Variants in LGALS9 observed in about 807,000 individuals in gnomAD.
LGALS9 encodes galectin-9.
A neutral mutation model predicts 35.9 loss-of-function variants in LGALS9; 26 were observed. The ratio of observed to expected loss-of-function variants is 0.72; its 90% CI spans 0.53 to 1.01. The LOEUF (loss-of-function observed/expected upper bound fraction) is 1.01. Among genes scored for constraint, LGALS9 ranks in the 50% least tolerant of loss-of-function variants. The pLI, the probability that LGALS9 is intolerant of heterozygous loss-of-function variation, is 0.00. For missense variants in LGALS9, 347 were observed against 445.8 expected (o/e 0.78, Z 1.99); for synonymous variants, 149 against 172.2 (o/e 0.87, Z 1.06).
chr17:27,640,732 C>A lies in LGALS9; in HGVS notation c.292C>A (p.Pro98Thr). The change falls in exon 3 of 11, where the codon CCC becomes ACC. Residue 98 changes from proline to threonine, a missense_variant. Pro to Thr is a conservative substitution (Grantham distance 38, BLOSUM62 -1). Transcript: ENST00000395473. ...KTHMPFQKGM[P>T]FDLCFLVQSS... ...ACACATGCCTTTCCAGAAGGGGATG[C>A]CCTTTGACCTCTGCTTCCTGGTGCA... 2.5e-6 allele frequency: 4 copies of A among 1,614,210 alleles called. No individual in the cohort carries two copies. The highest frequency in any genetic ancestry group is 2.7e-5 in the African/African-American group (2 of 75,056).
rs758551227 is a variant in LGALS9 at position 27,645,296 on chromosome 17, C to T, written c.541-18C>T. 11 of 1,613,904 alleles carry T rather than the reference C, an allele frequency of 6.8e-6. No homozygotes were observed. Among genetic ancestry groups the T allele is most frequent in the Non-Finnish European group, 9.3e-6 (11 of 1,179,836 alleles). On this transcript the variant is annotated intron_variant, in intron 5 of 10. Transcript: ENST00000395473. ...GTGCCCGCGATAACCACCATTCTGA[C>T]TCTCCTCACCCCTCCAGCCTCCCGG... is the stretch of plus-strand genomic sequence containing the variant.
At chr17:27,646,657 TG>T (rs754775465) in intron 8 of LGALS9, 69 bp downstream of exon 8, 9 of 1,608,036 alleles carry the variant, frequency 5.6e-6, no homozygotes, top group Non-Finnish European at 6.0e-6. Flanking sequence ...AGGGCCGCTG[TG>T]GGGGGATCCA....
chr17:27,642,184 G>T, intron 3 of LGALS9, 54 bp from the exon 4 acceptor site: 7 of 1,576,314 alleles, frequency 4.4e-6, no homozygotes, highest in Non-Finnish European at 5.2e-6. Context: ...CTCAGGGGTG[G>T]TCCCCATCCC....
At chr17:27,647,838 T>C (rs1458243938) in intron 10 of LGALS9, among the ~76,000 whole-genome samples, 2 of 152,176 alleles carry the variant, frequency 1.3e-5, no homozygotes, top group Admixed American at 1.3e-4. Context: ...AGGGAGTTTA[T>C]AATTTAGGTG....
intron 1 of LGALS9, among the ~76,000 whole-genome samples, chr17:27,637,325 GTGAAACACCTTCCTATTTTACAGA>G (rs1278316420): frequency 6.6e-6 from 1 of 152,210 alleles, no homozygotes; most frequent in African/African-American, 2.4e-5. Context: ...TATGCAGCAG[GTGAAACACCTTCCTATTTTACAGA>G]TGAGGAAACT....
chr17:27,631,839 G>A (rs569074038), intron 1 of LGALS9, among the ~76,000 whole-genome samples: 4 of 152,162 alleles, frequency 2.6e-5, no homozygotes, highest in Non-Finnish European at 4.4e-5. Flanking sequence ...CTGACACACT[G>A]TAGGTGCTTT....
intron 2 of LGALS9, 129 bp from the exon 3 acceptor site, chr17:27,640,443 A>G: frequency 7.4e-7 from 1 of 1,348,844 alleles, no homozygotes; most frequent in South Asian, 1.2e-5. Flanking sequence ...ATGCCAACAA[A>G]GCAGTCTCTG....
Position 27,649,247 on chromosome 17 carries a change from G to C in LGALS9, c.*265G>C, listed in dbSNP as rs1905146382. ...CCATCCCAGGAGGCAGGCACAGCCAGGGAGAGGGGAGGAGTGGGCAGTGAA... is the reference window on the plus strand; with the variant it reads ...CCATCCCAGGAGGCAGGCACAGCCACGGAGAGGGGAGGAGTGGGCAGTGAA... On this transcript the variant is annotated 3_prime_UTR_variant, in exon 11 of 11. Transcript: ENST00000395473. 11 of 569,518 alleles carry C rather than the reference G, an allele frequency of 1.9e-5. 1 individual carries two copies. In the Admixed American group the frequency reaches 3.1e-4, roughly 16 times the overall value. 35.3% of individuals were successfully genotyped at this position (569,518 alleles called of 1,614,324 possible). A position where few individuals can be genotyped will look rare whatever the true frequency, so the allele number is the denominator to read the frequency against.
chr17:27,648,789 G>A (rs1905115255), intron 10 of LGALS9, 47 bp from the exon 11 acceptor site: 1 of 1,611,688 alleles, frequency 6.2e-7, no homozygotes, highest in Admixed American at 1.7e-5. Flanking sequence ...TGCAGTGAGG[G>A]TGGAGGACTT....
chr17:27,647,224 A>G, intron 9 of LGALS9, 46 bp from the exon 10 acceptor site: 1 of 1,613,418 alleles, frequency 6.2e-7, no homozygotes, highest in Non-Finnish European at 8.5e-7. Flanking sequence ...AGGAAATGGG[A>G]CTCAGAATTC....
In LGALS9 at chr17:27,642,935, G is replaced by A. The variant is rs556775103; in HGVS notation, c.444+587G>A. On this transcript the variant is annotated intron_variant, in intron 4 of 10. Coordinates refer to ENST00000395473, the MANE Select transcript of LGALS9 (RefSeq NM_009587.3). ...AAGGTCAGGAGAGTCAGGTATGGTG[G>A]TGGAGGTCTGCAGTCCTGGCTACTC... 5.9e-5 allele frequency among the ~76,000 whole-genome samples: 9 copies of A among 152,316 alleles called. No homozygotes were observed. In the South Asian group the frequency reaches 1.2e-3, roughly 21 times the overall value.
chr17:27,633,638 C>T (rs1416206900), intron 1 of LGALS9, among the ~76,000 whole-genome samples: 1 of 152,216 alleles, frequency 6.6e-6, no homozygotes, highest in East Asian at 1.9e-4. Context: ...GGAAAAGTCC[C>T]CGGTCTCTGG....
chr17:27,647,506 G>A, intron 10 of LGALS9, 74 bp downstream of exon 10: 1 of 1,585,282 alleles, frequency 6.3e-7, no homozygotes, highest in Non-Finnish European at 8.6e-7. Flanking sequence ...GAGGTTTGAG[G>A]TACCTTGAAC....
rs61688071 is a variant in LGALS9, at chr17:27,646,948, C to T, written c.670-82C>T. 1.8e-3 allele frequency: 2,931 copies of T among 1,590,394 alleles called. 30 individuals carry two copies. In the African/African-American group the frequency reaches 0.026, roughly 14 times the overall value. On this transcript the variant is annotated intron_variant, in intron 8 of 10. Coordinates refer to ENST00000395473, the MANE Select transcript of LGALS9 (RefSeq NM_009587.3). The stretch of plus-strand genomic sequence containing the variant: ...AGTAAAGATATCATGGGCTTCTTCT[C>T]AGCTGACAGCCCAAATTCATGGGAA...
intron 8 of LGALS9, among the ~76,000 whole-genome samples, 188 bp downstream of exon 8, chr17:27,646,776 G>T (rs532778858): frequency 2.6e-5 from 4 of 152,224 alleles, no homozygotes; most frequent in Non-Finnish European, 5.9e-5. Flanking sequence ...AAACTGTCGT[G>T]TCAATATGAG....
rs566137312 is a variant in LGALS9 at position 27,644,019 on chromosome 17, A to G, written c.540+399A>G. 1.3e-3 allele frequency: 225 copies of G among 177,144 alleles called. 1 individual carries two copies. The highest frequency in any genetic ancestry group is 4.7e-3 in the African/African-American group (200 of 42,224). 11.0% of individuals were successfully genotyped at this position (177,144 alleles called of 1,614,324 possible). The stretch of plus-strand genomic sequence containing the variant: ...CTTCACAGCCCCCAGCCCTTCAAAT[A>G]AAGCCCAAATTCTCCAGCAGGGTAT... On this transcript the variant is annotated intron_variant, in intron 5 of 10. Coordinates refer to ENST00000395473, the MANE Select transcript of LGALS9 (RefSeq NM_009587.3).
chr17:27,639,476 T>C (rs1001148668), intron 2 of LGALS9, among the ~76,000 whole-genome samples: 1 of 152,184 alleles, frequency 6.6e-6, no homozygotes, highest in Non-Finnish European at 1.5e-5. Flanking sequence ...GGCAGGAATT[T>C]CGAAAGGACT....
intron 10 of LGALS9, 142 bp downstream of exon 10, chr17:27,647,574 A>AATTATT (rs61484244): frequency 0.22 from 231,645 of 1,075,648 alleles, 23,922 homozygotes; most frequent in Admixed American, 0.34. Context: ...GTGGCCAACA[A>AATTATT]ATTATTATTA....
chr17:27,647,352 A>C lies in LGALS9; in HGVS notation c.841A>C (p.Thr281Pro). 3 of 1,614,120 alleles carry C rather than the reference A, an allele frequency of 1.9e-6. No individual in the cohort carries two copies. The highest frequency in any genetic ancestry group is 1.7e-6 in the Non-Finnish European group (2 of 1,180,028). ...TGATGAGAATGCTGTGGTCCGCAAC[A>C]CCCAGATCGACAACTCCTGGGGGTC... ...RFDENAVVRN[T>P]QIDNSWGSEE... is the part of the protein sequence containing the mutation. Residue 281 changes from threonine to proline, a missense_variant, in exon 10 of 11, where the codon ACC (threonine) becomes CCC (proline). By Grantham distance (38) the Thr-to-Pro change is conservative. Transcript: ENST00000395473.
Sources: gnomAD v4.1 joint callset for allele counts (sites outside exome capture counted in the v4.1 genomes callset) on GRCh38, gnomAD v4.1.1 for gene constraint, MANE v1.5 for transcripts, NCBI Gene and HGNC (gene_info 2026-07-23, HGNC 2026-07-21) for gene names.